FUT8: variants seen among roughly 807,000 people sequenced by gnomAD.
FUT8 encodes the protein alpha-(1,6)-fucosyltransferase.
A neutral mutation model predicts 71.3 loss-of-function variants in FUT8; 29 were observed. The observed-to-expected ratio is 0.41, with a 90% CI of 0.30 to 0.55. FUT8 has a LOEUF of 0.55. Among genes scored for constraint, FUT8 ranks in the 20% least tolerant of loss-of-function variants. The pLI, the probability that FUT8 is intolerant of heterozygous loss-of-function variation, is 0.34. For synonymous variants in FUT8, 254 were observed against 239.3 expected (o/e 1.06, Z -0.57); for missense variants, 544 against 702.1 (o/e 0.77, Z 2.55).
At chr14:65,713,699 G>A (rs188569844) in intron 7 of FUT8, among the ~76,000 whole-genome samples, 26 of 152,168 alleles carry the variant, frequency 1.7e-4, no homozygotes, top group Non-Finnish European at 2.8e-4. Flanking sequence ...ATGTCTAATC[G>A]GATCTTTTGC....
chr14:65,511,419 A>G lies in FUT8; in HGVS notation c.-227-49918A>G, dbSNP rs1330233204. Among the ~76,000 whole-genome samples, 18 of 152,142 alleles carry G rather than the reference A, an allele frequency of 1.2e-4. 1 individual carries two copies. The highest frequency in any genetic ancestry group is 9.8e-4 in the Admixed American group (15 of 15,272). On this transcript the variant is annotated intron_variant, in intron 2 of 10. Transcript: ENST00000673929. ...TGGAAGAAATATTCTTTAAATATCT[A>G]TTAGATCCGTTTGGTCTATTTCTTT...
At chr14:65,368,490 G>C in the FUT8 span, among the ~76,000 whole-genome samples, 2 of 133,352 alleles carry the variant, frequency 1.5e-5, no homozygotes, top group Non-Finnish European at 3.3e-5. Flanking sequence ...ACAGGCGCCT[G>C]CCACCACGCC....
intron 2 of FUT8, chr14:65,479,925 T>C (rs1179549059): frequency 6.6e-6 from 1 of 152,164 alleles, no homozygotes; most frequent in Non-Finnish European, 1.5e-5. Flanking sequence ...TCTTTTCAGT[T>C]TGAGAATGGG....
intron 6 of FUT8, among the ~76,000 whole-genome samples, chr14:65,634,591 G>A (rs565940068): frequency 6.7e-6 from 1 of 149,594 alleles, no homozygotes; most frequent in African/African-American, 2.4e-5. Context: ...AGAAAAGGGT[G>A]TCCTTTCCCC....
At chr14:65,436,787 G>A in intron 1 of FUT8, among the ~76,000 whole-genome samples, 1 of 152,038 alleles carries the variant, frequency 6.6e-6, no homozygotes, top group Admixed American at 6.5e-5. Flanking sequence ...CTGGAGTTGT[G>A]CAGTGTAGCA....
chr14:65,496,818 G>T (rs116102412), intron 2 of FUT8, among the ~76,000 whole-genome samples: 2,652 of 152,226 alleles, frequency 0.017, 77 homozygotes, highest in African/African-American at 0.061. Context: ...GCTGTGGAGT[G>T]GTTTTGTGCT....
At chr14:65,360,851 G>A in the FUT8 span, among the ~76,000 whole-genome samples, 4 of 152,334 alleles carry the variant, frequency 2.6e-5, no homozygotes, top group South Asian at 6.2e-4. Flanking sequence ...TCACAACTTA[G>A]TGAACACAAA....
intron 2 of FUT8, among the ~76,000 whole-genome samples, chr14:65,468,527 A>T (rs1223511754): frequency 6.8e-6 from 1 of 146,780 alleles, no homozygotes; most frequent in Non-Finnish European, 1.5e-5. Context: ...TTTTTTCTTT[A>T]CCTCTTGCTT....
At chr14:65,429,282 C>G (rs932817163) in intron 1 of FUT8, among the ~76,000 whole-genome samples, 51 of 152,226 alleles carry the variant, frequency 3.4e-4, no homozygotes, top group Admixed American at 3.1e-3. Context: ...GGAAGTATGG[C>G]TATTAAATGA....
intron 2 of FUT8, among the ~76,000 whole-genome samples, chr14:65,469,077 A>G (rs942172183): frequency 2.0e-5 from 3 of 152,114 alleles, no homozygotes; most frequent in Non-Finnish European, 4.4e-5. Context: ...CTGCTTGGGA[A>G]GCTGTGGCAG....
intron 6 of FUT8, among the ~76,000 whole-genome samples, chr14:65,633,597 A>C (rs1486478656): frequency 3.4e-5 from 4 of 117,284 alleles, no homozygotes; most frequent in East Asian, 2.6e-4. Context: ...CCGGCCGCCC[A>C]TCGTCTGAGA....
rs1041220618 is a variant in FUT8 at position 65,643,351 on chromosome 14, G to A, written c.597+13745G>A. 2.0e-5 allele frequency among the ~76,000 whole-genome samples: 3 copies of A among 152,102 alleles called. No individual in the cohort carries two copies. Among genetic ancestry groups the A allele is most frequent in the Non-Finnish European group, 4.4e-5 (3 of 68,008 alleles). On this transcript the variant is annotated intron_variant, in intron 6 of 10. Coordinates refer to ENST00000673929, the MANE Select transcript of FUT8 (RefSeq NM_001371533.1). The surrounding 1 kb of genome is among the most constrained non-coding windows in gnomAD (Gnocchi z 4.5). ...TTTAGGTCATTAACATCTGTGACCT[G>A]GAAATAAAATTGACAGATTCTGGCC...
At chr14:65,526,391 C>G (rs1883472298) in intron 2 of FUT8, among the ~76,000 whole-genome samples, 1 of 151,958 alleles carries the variant, frequency 6.6e-6, no homozygotes, top group Admixed American at 6.6e-5. Flanking sequence ...CAACCCCTGC[C>G]TTTTTTTGTT....
chr14:65,595,743 G>T (rs560207423), intron 3 of FUT8, among the ~76,000 whole-genome samples: 2 of 151,452 alleles, frequency 1.3e-5, no homozygotes, highest in East Asian at 3.9e-4. Context: ...AGAGTAGCTG[G>T]TATTACAGGC....
At chr14:65,704,277 G>A (rs17102854) in intron 7 of FUT8, among the ~76,000 whole-genome samples, 5,653 of 152,104 alleles carry the variant, frequency 0.037, 255 homozygotes, top group African/African-American at 0.11. Flanking sequence ...TATTCTAGTC[G>A]TTTCTTTCAA....
chr14:65,462,032 A>T (rs928584496), intron 2 of FUT8, among the ~76,000 whole-genome samples: 1 of 152,196 alleles, frequency 6.6e-6, no homozygotes, highest in Non-Finnish European at 1.5e-5. Context: ...CAATTTCCTC[A>T]TAGATAAAAT....
chr14:65,520,617 A>ATT (rs540131759), intron 2 of FUT8, among the ~76,000 whole-genome samples: 6 of 149,358 alleles, frequency 4.0e-5, no homozygotes, highest in African/African-American at 1.2e-4. Context: ...TAGCAACCTT[A>ATT]TTTTTTTTTT....
intron 3 of FUT8, among the ~76,000 whole-genome samples, chr14:65,562,374 A>G (rs1885961065): frequency 6.6e-6 from 1 of 152,156 alleles, no homozygotes; most frequent in Admixed American, 6.6e-5. Flanking sequence ...CAGAAACAAA[A>G]GTTTATCATT....
chr14:65,496,212 TAGATTCCTTTAACATATTTTCA>T, intron 2 of FUT8, among the ~76,000 whole-genome samples: 1 of 152,328 alleles, frequency 6.6e-6, no homozygotes, highest in Non-Finnish European at 1.5e-5. Flanking sequence ...GATTTTGGAA[TAGATTCCTTTAACATATTTTCA>T]GTCATATTCC....
Sources: gnomAD v4.1 joint callset for allele counts (sites outside exome capture counted in the v4.1 genomes callset) on GRCh38, gnomAD v4.1.1 for gene constraint, Gnocchi (gnomAD v3.1) non-coding constraint, MANE v1.5 for transcripts, NCBI Gene and HGNC (gene_info 2026-07-23, HGNC 2026-07-21) for gene names.